LARP1B: variants seen among roughly 807,000 people sequenced by gnomAD.
The protein encoded by LARP1B is La ribonucleoprotein 1B.
A neutral mutation model predicts 114.2 loss-of-function variants in LARP1B; 76 were observed. That is an observed-to-expected ratio of 0.67 (90% confidence interval 0.55 to 0.81). LARP1B has a LOEUF of 0.81. Among genes scored for constraint, LARP1B ranks in the 30% least tolerant of loss-of-function variants. The pLI, the probability that LARP1B is intolerant of heterozygous loss-of-function variation, is 0.00. For synonymous variants in LARP1B, 345 were observed against 348.0 expected, an observed-to-expected ratio of 0.99 and a Z score of 0.10; for missense variants, 1,014 against 1,075.8, an observed-to-expected ratio of 0.94 and a Z score of 0.80.
chr4:128,108,982 T>C (rs911310451), intron 9 of LARP1B: 2 of 277,678 alleles, frequency 7.2e-6, no homozygotes, highest in African/African-American at 4.6e-5. Flanking sequence ...CCAGTATATA[T>C]TAAAATGTCA....
chr4:128,220,077 G>T (rs1006714502), intron 6 of LARP1B, among the ~76,000 whole-genome samples: 1 of 152,036 alleles, frequency 6.6e-6, no homozygotes, highest in African/African-American at 2.4e-5. Flanking sequence ...TAGAGACAGG[G>T]TTTCTCCATG....
At chr4:128,185,534 GTTT>G (rs56275913) in intron 15 of LARP1B, among the ~76,000 whole-genome samples, 1 of 146,342 alleles carries the variant, frequency 6.8e-6, no homozygotes, top group African/African-American at 2.5e-5. Flanking sequence ...TATTTGTATT[GTTT>G]TTTTTTTTCT....
intron 11 of LARP1B, among the ~76,000 whole-genome samples, chr4:128,149,677 A>G (rs1731831981): frequency 6.6e-6 from 1 of 152,210 alleles, no homozygotes; most frequent in Admixed American, 6.5e-5. Context: ...ATTTATGTAA[A>G]ATGTCTTTTG....
chr4:128,140,534 G>C (rs1282678833), intron 11 of LARP1B, among the ~76,000 whole-genome samples: 1 of 152,038 alleles, frequency 6.6e-6, no homozygotes, highest in African/African-American at 2.4e-5. Context: ...TAATTACTAC[G>C]TAAGTCAGAA....
chr4:128,166,970 C>CTA lies in LARP1B; in HGVS notation c.1648+4676_1648+4677dup, dbSNP rs71593507. 9.0e-3 allele frequency among the ~76,000 whole-genome samples: 701 copies of CTA among 77,718 alleles called. 6 individuals carry two copies. The highest frequency in any genetic ancestry group is 0.011 in the Non-Finnish European group (442 of 39,864). The allele number at this position is 77,718 out of a possible 152,430, so 51.0% of individuals were successfully genotyped here. A position where few individuals can be genotyped will look rare whatever the true frequency, so the allele number is the denominator to read the frequency against. ...TCTCTCTCTCTCTCTCTCTCTCTCTCTATATATATATATATATATATATAC... is the reference window on the plus strand; with the variant it reads ...TCTCTCTCTCTCTCTCTCTCTCTCTCTATATATATATATATATATATATATAC... On this transcript the variant is annotated intron_variant, in intron 12 of 19. Coordinates refer to ENST00000326639, the MANE Select transcript of LARP1B (RefSeq NM_018078.4).
intron 4 of LARP1B, among the ~76,000 whole-genome samples, chr4:128,079,365 G>T (rs1470279983): frequency 6.6e-6 from 1 of 151,840 alleles, no homozygotes; most frequent in Non-Finnish European, 1.5e-5. Context: ...AAAGTGCTAG[G>T]ATTACAGGCA....
rs985435536 is a variant in LARP1B at position 128,210,545 on chromosome 4, C to T, written c.*492C>T. ...AACTTACCAAAACAAAGGAGGATTA[C>T]GTATATGTTTTTTAAATTCAAAAAA... On this transcript the variant is annotated 3_prime_UTR_variant, in exon 20 of 20. Coordinates refer to ENST00000326639, the MANE Select transcript of LARP1B (RefSeq NM_018078.4). The T allele has an allele frequency of 8.0e-5, 77 of 962,920 alleles. No individual in the cohort carries two copies. Among genetic ancestry groups the T allele is most frequent in the South Asian group, 9.6e-5 (2 of 20,898 alleles). The allele number at this position is 962,920 out of a possible 1,614,324, so 59.6% of individuals were successfully genotyped here.
chr4:128,107,751 A>C (rs1307444292), intron 9 of LARP1B: 3 of 1,486,836 alleles, frequency 2.0e-6, no homozygotes, highest in Non-Finnish European at 2.7e-6. Flanking sequence ...CTGCATTCTA[A>C]ATTAGAATTG....
At chr4:128,108,260 T>C (rs987754840) in intron 9 of LARP1B, 10 of 1,084,190 alleles carry the variant, frequency 9.2e-6, no homozygotes, top group Non-Finnish European at 1.1e-5. Context: ...GGTTATGTAC[T>C]TGTGTCCAGA....
chr4:128,109,436 A>G (rs1359088766), intron 9 of LARP1B, among the ~76,000 whole-genome samples: 2 of 151,958 alleles, frequency 1.3e-5, no homozygotes, highest in Admixed American at 6.6e-5. Context: ...TTTTTTTCCT[A>G]TCTGGAGGTT....
At chr4:128,180,027 T>TA (rs1171835104) in intron 15 of LARP1B, among the ~76,000 whole-genome samples, 1 of 152,178 alleles carries the variant, frequency 6.6e-6, no homozygotes, top group Non-Finnish European at 1.5e-5. Context: ...GCAAATCTCT[T>TA]AGAGTGCCAG....
At position 128,103,424 on chromosome 4, in the gene LARP1B, A is replaced by T. The variant is rs574335282; in HGVS notation, c.814-3715A>T. Among the ~76,000 whole-genome samples the T allele has an allele frequency of 5.3e-5, 8 of 152,238 alleles. No individual in the cohort carries two copies. The East Asian group carries it at 9.6e-4, about 18-fold the overall frequency. On this transcript the variant is annotated intron_variant, in intron 8 of 19. Transcript: ENST00000326639. ...AAAATTTTTTTTTCCCCATTTTTCC[A>T]CCAACAATGAATGAATTACCTGCCT...
At chr4:128,072,706 G>A (rs568447042) in intron 1 of LARP1B, among the ~76,000 whole-genome samples, 1 of 152,010 alleles carries the variant, frequency 6.6e-6, no homozygotes, top group Admixed American at 6.6e-5. Context: ...ACAGGCATGC[G>A]CCACCACACC....
chr4:128,072,538 A>G (rs374993031), intron 1 of LARP1B, among the ~76,000 whole-genome samples: 1 of 151,560 alleles, frequency 6.6e-6, no homozygotes, highest in African/African-American at 2.4e-5. Flanking sequence ...GGCTTCTTTT[A>G]CTTGTAATCT....
chr4:128,084,531 A>G (rs1273797035), intron 5 of LARP1B, among the ~76,000 whole-genome samples: 3 of 152,036 alleles, frequency 2.0e-5, no homozygotes, highest in Non-Finnish European at 4.4e-5. Flanking sequence ...AGGCTGAGGC[A>G]GGAGAATCAG....
chr4:128,204,676 TA>T (rs201720748), intron 17 of LARP1B, among the ~76,000 whole-genome samples: 10,109 of 151,156 alleles, frequency 0.067, 454 homozygotes, highest in Non-Finnish European at 0.089. Flanking sequence ...AAATTAAAAT[TA>T]AAAAATAAAT....
intron 1 of LARP1B, chr4:128,062,225 T>G (rs1760418706): frequency 1.0e-6 from 1 of 985,260 alleles, no homozygotes; most frequent in Non-Finnish European, 1.2e-6. Flanking sequence ...GGCAGGTCTG[T>G]GGTTGCTCTG....
intron 17 of LARP1B, among the ~76,000 whole-genome samples, chr4:128,201,143 A>G (rs1755804871): frequency 6.6e-6 from 1 of 152,194 alleles, no homozygotes; most frequent in Admixed American, 6.5e-5. Context: ...ACCCTGAATG[A>G]GTAGAGCTTC....
chr4:128,194,138 T>TCTCAG (rs896634444), intron 15 of LARP1B, among the ~76,000 whole-genome samples: 1 of 151,904 alleles, frequency 6.6e-6, no homozygotes, highest in Non-Finnish European at 1.5e-5. Context: ...AATGGCACGA[T>TCTCAG]CTCAGCTCAC....
Sources: allele counts gnomAD v4.1 joint callset (sites outside exome capture counted in the v4.1 genomes callset), GRCh38; gene constraint gnomAD v4.1.1; transcripts MANE v1.5; gene names NCBI Gene and HGNC (gene_info 2026-07-23, HGNC 2026-07-21).